RANBP9: variants seen among roughly 807,000 people sequenced by gnomAD.
RANBP9 encodes the protein RAN binding protein 9, also known as ran-binding protein 9.
Under a neutral mutation model 84.3 loss-of-function variants are expected in RANBP9, and 15 were observed. The ratio of observed to expected loss-of-function variants is 0.18; its 90% CI spans 0.12 to 0.27. The LOEUF (loss-of-function observed/expected upper bound fraction) is 0.27. Ranked by LOEUF, RANBP9 falls within the 10% of genes least tolerant of loss-of-function variation. The probability of loss-of-function intolerance (pLI) is 1.00; values close to 1 mark genes in which losing one functional copy is unlikely to be tolerated. For synonymous variants in RANBP9, 392 were observed against 349.6 expected (o/e 1.12, Z -1.35); for missense variants, 809 against 912.8 (o/e 0.89, Z 1.46).
At chr6:13,670,680 G>A (rs1287869487) in intron 2 of RANBP9, among the ~76,000 whole-genome samples, 1 of 151,518 alleles carries the variant, frequency 6.6e-6, no homozygotes, top group Admixed American at 6.6e-5. Context: ...GGCGCCTGTA[G>A]TCCCAGCTAC....
intron 2 of RANBP9, among the ~76,000 whole-genome samples, chr6:13,678,171 G>A (rs939192779): frequency 6.6e-6 from 1 of 152,004 alleles, no homozygotes. Flanking sequence ...TTTCAATCAG[G>A]TTACATACTT....
chr6:13,632,269 G>A, intron 12 of RANBP9, 101 bp downstream of exon 12: 4 of 1,251,408 alleles, frequency 3.2e-6, no homozygotes, highest in Non-Finnish European at 4.4e-6. Context: ...TCAGGTCCCA[G>A]TTCCCTAACA....
intron 1 of RANBP9, among the ~76,000 whole-genome samples, chr6:13,701,504 G>A (rs1287198623): frequency 6.6e-6 from 1 of 152,164 alleles, no homozygotes; most frequent in Non-Finnish European, 1.5e-5. Flanking sequence ...TGGGTGCGGT[G>A]GCTCACACCT....
At chr6:13,630,518 T>TAA (rs61203161) in intron 12 of RANBP9, among the ~76,000 whole-genome samples, 252 of 147,044 alleles carry the variant, frequency 1.7e-3, no homozygotes, top group South Asian at 4.3e-3. Flanking sequence ...TAAGAATTCT[T>TAA]AAAAAAAAAA....
Position 13,658,694 on chromosome 6 carries a change from TTAAA to T in RANBP9, c.736+82_736+85del, listed in dbSNP as rs1460267753. 6 of 1,117,868 alleles carry T rather than the reference TTAAA, an allele frequency of 5.4e-6. No homozygotes were observed. The African/African-American group carries it at 7.8e-5, about 15-fold the overall frequency. The allele number at this position is 1,117,868 out of a possible 1,614,324, so 69.2% of individuals were successfully genotyped here. ...TTAAAAACACAGAAAATCAGTATCT[TTAAA>T]TATTACAATTTCTTACTTGAAAAAT... is the stretch of plus-strand genomic sequence containing the variant. On this transcript the variant is annotated intron_variant, in intron 3 of 13. Transcript: ENST00000011619.
chr6:13,710,128 T>C (rs1198784659), intron 1 of RANBP9, among the ~76,000 whole-genome samples: 3 of 152,164 alleles, frequency 2.0e-5, no homozygotes, highest in Non-Finnish European at 2.9e-5. Context: ...GAGAGGTAGG[T>C]GAGGGAGGAA....
intron 2 of RANBP9, among the ~76,000 whole-genome samples, chr6:13,678,798 T>C (rs1765958026): frequency 1.3e-5 from 2 of 152,124 alleles, no homozygotes; most frequent in Admixed American, 6.5e-5. Flanking sequence ...ATAATAAAAT[T>C]CTTCCTTCTA....
chr6:13,707,312 C>T (rs1197637480), intron 1 of RANBP9, among the ~76,000 whole-genome samples: 1 of 152,170 alleles, frequency 6.6e-6, no homozygotes, highest in Non-Finnish European at 1.5e-5. Flanking sequence ...AGCCACCACA[C>T]CCACTGAAAT....
At chr6:13,639,811 T>C (rs925886145) in intron 8 of RANBP9, 58 bp from the exon 9 acceptor site, 17 of 1,364,084 alleles carry the variant, frequency 1.2e-5, no homozygotes, top group African/African-American at 4.4e-5. Context: ...TTTTATTTAA[T>C]AGCAACAGAT....
intron 10 of RANBP9, among the ~76,000 whole-genome samples, chr6:13,635,618 T>TA (rs75512821): frequency 0.043 from 5,588 of 129,708 alleles, 131 homozygotes; most frequent in South Asian, 0.08. Context: ...ATTGTTAAGG[T>TA]AAAAAAAAAA....
intron 2 of RANBP9, among the ~76,000 whole-genome samples, chr6:13,693,071 A>T (rs938693333): frequency 1.8e-4 from 28 of 152,212 alleles, no homozygotes; most frequent in African/African-American, 6.3e-4. Context: ...GTCTGGCCAA[A>T]ATGTAAAGGA....
intron 2 of RANBP9, among the ~76,000 whole-genome samples, chr6:13,681,445 G>C (rs1766035698): frequency 6.6e-6 from 1 of 152,058 alleles, no homozygotes; most frequent in Non-Finnish European, 1.5e-5. Context: ...ACAGACACTG[G>C]GGAAAGGGAA....
intron 1 of RANBP9, 141 bp downstream of exon 1, chr6:13,710,794 G>A (rs996521176): frequency 1.2e-5 from 11 of 892,788 alleles, no homozygotes; most frequent in South Asian, 1.8e-5. Flanking sequence ...CGCCCACCCG[G>A]AGCAGCACAA....
Position 13,711,591 on chromosome 6 carries a change from G to A in RANBP9, c.-86C>T, listed in dbSNP as rs1323842844. ...CGGGGGCGCTGTCGCTGCGGCCGCC[G>A]GCACCAGGCGCCCAGTCCGCCCGCC... On this transcript the variant is annotated 5_prime_UTR_variant, in exon 1 of 14. Coordinates refer to ENST00000011619, the MANE Select transcript of RANBP9 (RefSeq NM_005493.3). 26 of 1,174,892 alleles carry A rather than the reference G, an allele frequency of 2.2e-5. No individual in the cohort carries two copies. The highest frequency in any genetic ancestry group is 1.2e-4 in the Admixed American group (3 of 25,574). The allele number at this position is 1,174,892 out of a possible 1,614,324, so 72.8% of individuals were successfully genotyped here. A position where few individuals can be genotyped will look rare whatever the true frequency, so the allele number is the denominator to read the frequency against.
At chr6:13,635,128 G>A (rs1764903503) in intron 10 of RANBP9, among the ~76,000 whole-genome samples, 1 of 152,150 alleles carries the variant, frequency 6.6e-6, no homozygotes, top group South Asian at 2.1e-4. Context: ...AAAAATGATT[G>A]AGCTTCATTC....
Position 13,632,564 on chromosome 6 carries a change from G to A in RANBP9, c.1796-43C>T, listed in dbSNP as rs749337177. ...AAGTATTTTACTACCTTATGGAATGGAGTATAATGAGGACACGAACATACA... is the reference window on the plus strand; with the variant it reads ...AAGTATTTTACTACCTTATGGAATGAAGTATAATGAGGACACGAACATACA... On this transcript the variant is annotated intron_variant, in intron 11 of 13. Transcript: ENST00000011619. 1.8e-5 allele frequency: 27 copies of A among 1,539,572 alleles called. No homozygotes were observed. The Admixed American group carries it at 4.4e-4, about 25-fold the overall frequency.
At chr6:13,705,123 G>T (rs1758069579) in intron 1 of RANBP9, among the ~76,000 whole-genome samples, 1 of 152,044 alleles carries the variant, frequency 6.6e-6, no homozygotes, top group South Asian at 2.1e-4. Flanking sequence ...ATATCATTAG[G>T]CTGGGTGCAG....
At chr6:13,677,305 T>C (rs1294136579) in intron 2 of RANBP9, among the ~76,000 whole-genome samples, 1 of 152,048 alleles carries the variant, frequency 6.6e-6, no homozygotes, top group African/African-American at 2.4e-5. Flanking sequence ...ATTGACAAAA[T>C]TGATACCATA....
At chr6:13,669,709 C>A (rs1479972308) in intron 2 of RANBP9, among the ~76,000 whole-genome samples, 1 of 152,154 alleles carries the variant, frequency 6.6e-6, no homozygotes, top group Non-Finnish European at 1.5e-5. Context: ...CACACCTCAG[C>A]CCCCGAGTAG....
Sources: gnomAD v4.1 joint callset for allele counts (sites outside exome capture counted in the v4.1 genomes callset) on GRCh38, gnomAD v4.1.1 for gene constraint, MANE v1.5 for transcripts, NCBI Gene and HGNC (gene_info 2026-07-23, HGNC 2026-07-21) for gene names.